The following MCM8 variants were observed in gnomAD, a reference collection of about 807,000 sequenced individuals.
MCM8 encodes minichromosome maintenance 8 homologous recombination repair factor, also known as DNA helicase MCM8.
MCM8 carries 85 observed loss-of-function variants against 98.9 expected under a neutral mutation model. The observed-to-expected ratio is 0.86, with a 90% confidence interval of 0.72 to 1.03. MCM8 has a LOEUF of 1.03. MCM8 is among the 50% of genes least tolerant of loss of function. MCM8 has a pLI of 0.00. For missense variants in MCM8, 951 were observed against 997.8 expected (o/e 0.95, Z 0.63); for synonymous variants, 352 against 338.6 (o/e 1.04, Z -0.44).
intron 10 of MCM8, among the ~76,000 whole-genome samples, chr20:5,971,794 C>A (rs1313894218): frequency 6.6e-6 from 1 of 152,094 alleles, no homozygotes; most frequent in Non-Finnish European, 1.5e-5. Flanking sequence ...ATCCTCTGTT[C>A]CTTATGCAGA....
chr20:5,957,145 A>G lies in MCM8; in HGVS notation c.506A>G (p.Glu169Gly). 6.2e-7 allele frequency: 1 copy of G among 1,613,506 alleles called. No individual in the cohort carries two copies. The highest frequency in any genetic ancestry group is 8.5e-7 in the Non-Finnish European group (1 of 1,179,618). The stretch of plus-strand genomic sequence containing the variant: ...GTTTAGGTGTTAACTAAGGACCTTG[A>G]AAGGCATGCAGCTGAGTTACAAGCC... ...AIHQVLTKDL[E>G]RHAAELQAQE... The change falls in exon 6 of 19, where the codon GAA becomes GGA. Residue 169 changes from glutamate (E) to glycine (G), a missense_variant. Coordinates refer to ENST00000610722, the MANE Select transcript of MCM8 (RefSeq NM_032485.6).
chr20:5,955,001 T>C (rs2088936741), intron 4 of MCM8, 101 bp from the exon 5 acceptor site: 1 of 817,800 alleles, frequency 1.2e-6, no homozygotes. Flanking sequence ...TTATCACATA[T>C]AAACATTGTA....
In MCM8 at chr20:5,998,661, G is replaced by C. The variant is rs2089987050; in HGVS notation, c.*4270G>C. On this transcript the variant is annotated 3_prime_UTR_variant, in exon 19 of 19. Transcript: ENST00000610722. ...CAAGCATCCAGTTCCCTGTTTTACA[G>C]TCCTTTTAAATGTGGCTAGCTACAG... is the stretch of plus-strand genomic sequence containing the variant. 1.3e-5 allele frequency: 2 copies of C among 152,190 alleles called. No homozygotes were observed. Among genetic ancestry groups the C allele is most frequent in the African/African-American group, 4.8e-5 (2 of 41,444 alleles). 9.4% of individuals were successfully genotyped at this position (152,190 alleles called of 1,614,324 possible).
intron 5 of MCM8, among the ~76,000 whole-genome samples, chr20:5,956,744 T>A (rs2088992613): frequency 6.6e-6 from 1 of 152,182 alleles, no homozygotes; most frequent in African/African-American, 2.4e-5. Flanking sequence ...TTAGGTATTT[T>A]AAAGGTCATT....
chr20:5,979,265 C>T (rs568576265), intron 13 of MCM8, among the ~76,000 whole-genome samples: 1 of 152,262 alleles, frequency 6.6e-6, no homozygotes, highest in African/African-American at 2.4e-5. Flanking sequence ...TCTTCATCTC[C>T]ACAACCTCTT....
intron 1 of MCM8, among the ~76,000 whole-genome samples, chr20:5,951,491 A>C (rs1248899499): frequency 6.6e-6 from 1 of 152,212 alleles, no homozygotes; most frequent in African/African-American, 2.4e-5. Context: ...ATTTTTAAGT[A>C]GACGTGTATT....
chr20:5,985,711 A>C (rs1403318925), intron 15 of MCM8, among the ~76,000 whole-genome samples: 1 of 151,708 alleles, frequency 6.6e-6, no homozygotes, highest in Non-Finnish European at 1.5e-5. Context: ...ACGCCCGGCT[A>C]ATTTTTGTAT....
Position 5,973,134 on chromosome 20 carries a change from C to T in MCM8, c.1333C>T (p.Arg445Trp), listed in dbSNP as rs369169161. Residue 445 changes from arginine (R) to tryptophan (W), a missense_variant, in exon 12 of 19, where the codon CGG becomes TGG. Physicochemically the swap from Arg to Trp is moderately radical, Grantham distance 101. Coordinates refer to ENST00000610722, the MANE Select transcript of MCM8 (RefSeq NM_032485.6). ...AGATGACAAAAACAGAATTCCAATT[C>T]GGGGAGACCCCCACATCCTTGTTGT... ...YADDKNRIPI[R>W]GDPHILVVGD... is the part of the protein sequence containing the mutation. The T allele has an allele frequency of 1.6e-5, 26 of 1,614,060 alleles. No homozygotes were observed. The highest frequency in any genetic ancestry group is 1.1e-4 in the South Asian group (10 of 91,092).
rs1039527524 is a variant in MCM8, at chr20:5,995,560, T to C, written c.*1169T>C. On this transcript the variant is annotated 3_prime_UTR_variant, in exon 19 of 19. Transcript: ENST00000610722. ...ACAAAAGGATTCTGCATGAGATGCC[T>C]CCCTAAATTGCTGAATTCAAAAAAG... 27 of 152,194 alleles carry C rather than the reference T, an allele frequency of 1.8e-4. No homozygotes were observed. The highest frequency in any genetic ancestry group is 6.5e-4 in the African/African-American group (27 of 41,450). The allele number at this position is 152,194 out of a possible 1,614,324, so 9.4% of individuals were successfully genotyped here. A position where few individuals can be genotyped will look rare whatever the true frequency, so the allele number is the denominator to read the frequency against.
intron 13 of MCM8, among the ~76,000 whole-genome samples, chr20:5,980,348 C>G (rs1486049450): frequency 6.6e-6 from 1 of 152,110 alleles, no homozygotes; most frequent in Non-Finnish European, 1.5e-5. Context: ...CAGTGCCATA[C>G]TCGGCATTCC....
chr20:5,969,373 C>T (rs142508950), intron 10 of MCM8, among the ~76,000 whole-genome samples: 2 of 152,248 alleles, frequency 1.3e-5, no homozygotes, highest in East Asian at 1.9e-4. Context: ...GGGTGGATCA[C>T]CTGAGGTCAG....
chr20:5,970,845 G>A (rs1327971429), intron 10 of MCM8, among the ~76,000 whole-genome samples: 1 of 152,008 alleles, frequency 6.6e-6, no homozygotes, highest in Non-Finnish European at 1.5e-5. Flanking sequence ...GTCTTGCTGT[G>A]TTGCCCAGGC....
At chr20:5,970,629 C>T (rs541328926) in intron 10 of MCM8, among the ~76,000 whole-genome samples, 10 of 152,232 alleles carry the variant, frequency 6.6e-5, no homozygotes, top group African/African-American at 1.2e-4. Context: ...AGTAGGAAGC[C>T]GGAACATACT....
chr20:5,953,496 T>C (rs1022247996), intron 3 of MCM8, among the ~76,000 whole-genome samples: 1 of 151,274 alleles, frequency 6.6e-6, no homozygotes, highest in Admixed American at 6.6e-5. Context: ...TTTTTTGAGA[T>C]GGAGTCTTGC....
In MCM8 at chr20:5,958,552, A is replaced by C. The variant is rs369993722; in HGVS notation, c.615A>C (p.Thr205=). 6.2e-7 allele frequency: 1 copy of C among 1,613,982 alleles called. No homozygotes were observed. The highest frequency in any genetic ancestry group is 8.5e-7 in the Non-Finnish European group (1 of 1,179,976). The part of the protein sequence containing the change: ...HARVYNYEPL[T]QLKNVRANYY... ...GGGTGTACAACTATGAGCCTTTGAC[A>C]CAGCTCAAGAATGTCAGAGCAAATT... is the stretch of plus-strand genomic sequence containing the variant. Residue 205 remains threonine (T), a synonymous_variant, in exon 7 of 19, where the codon ACA becomes ACC. Coordinates refer to ENST00000610722, the MANE Select transcript of MCM8 (RefSeq NM_032485.6).
chr20:5,953,772 C>T (rs1039975304), intron 3 of MCM8, among the ~76,000 whole-genome samples: 16 of 140,042 alleles, frequency 1.1e-4, no homozygotes, highest in East Asian at 9.8e-4. Context: ...CGCACCCAGC[C>T]GCATACTTTT....
In MCM8 at chr20:5,984,779, A is replaced by G; in HGVS notation, c.1734-2A>G. ...GTTTCTTCTTTCTTTCATCCTTCAT[A>G]GAATGGGGAGTGCACTACTATCCAG... On this transcript the variant is annotated splice_acceptor_variant, in intron 14 of 18. Transcript: ENST00000610722. LOFTEE classifies it high-confidence loss of function. 1 of 1,600,878 alleles carries G rather than the reference A, an allele frequency of 6.2e-7. No homozygotes were observed. The highest frequency in any genetic ancestry group is 8.5e-7 in the Non-Finnish European group (1 of 1,169,968).
At chr20:5,968,499 G>A (rs556774868) in intron 10 of MCM8, among the ~76,000 whole-genome samples, 3 of 152,250 alleles carry the variant, frequency 2.0e-5, no homozygotes, top group South Asian at 2.1e-4. Flanking sequence ...AGCCAAGATC[G>A]TGCCATTGCA....
chr20:5,954,616 G>A lies in MCM8; in HGVS notation c.262G>A (p.Asp88Asn), dbSNP rs189649618. Residue 88 changes from aspartate (D) to asparagine (N), a missense_variant, in exon 4 of 19, where the codon GAT (aspartate) becomes AAT (asparagine). Physicochemically the swap from Asp to Asn is conservative, Grantham distance 23. Transcript: ENST00000610722. ...WKLYFSEVYS[D>N]SSPLIEKIQA... Reference sequence around the variant, plus strand: ...CATATTTGTTGGATTAGTTTACAGCGATAGCTCTCCTTTGATTGAGAAGAT... The same window carrying A: ...CATATTTGTTGGATTAGTTTACAGCAATAGCTCTCCTTTGATTGAGAAGAT... The A allele has an allele frequency of 1.9e-5, 31 of 1,603,442 alleles. No homozygotes were observed. The highest frequency in any genetic ancestry group is 1.5e-4 in the African/African-American group (11 of 74,674).
Sources: gnomAD v4.1 joint callset for allele counts (sites outside exome capture counted in the v4.1 genomes callset) on GRCh38, gnomAD v4.1.1 for gene constraint, MANE v1.5 for transcripts, NCBI Gene and HGNC (gene_info 2026-07-23, HGNC 2026-07-21) for gene names.